Variants in PIP5K1B observed in about 807,000 individuals in gnomAD.
PIP5K1B encodes the protein phosphatidylinositol-4-phosphate 5-kinase type 1 beta.
Under a neutral mutation model 67.0 loss-of-function variants are expected in PIP5K1B, and 42 were observed. The observed-to-expected ratio is 0.63, with a 90% CI of 0.49 to 0.81. The LOEUF (loss-of-function observed/expected upper bound fraction) is 0.81, where lower values mean the gene tolerates loss of function less well. Among genes scored for constraint, PIP5K1B ranks in the 30% least tolerant of loss-of-function variants. The pLI is 0.00. For synonymous variants in PIP5K1B, 214 were observed against 231.4 expected, an observed-to-expected ratio of 0.92 and a Z score of 0.68; for missense variants, 459 against 646.3, an observed-to-expected ratio of 0.71 and a Z score of 3.14.
chr9:68,891,115 GC>G lies in PIP5K1B; in HGVS notation c.471+1983del, dbSNP rs1824758405. Among the ~76,000 whole-genome samples the G allele has an allele frequency of 2.0e-5, 3 of 152,096 alleles. No individual in the cohort carries two copies. In the South Asian group the frequency reaches 6.2e-4, roughly 32 times the overall value. The stretch of plus-strand genomic sequence containing the variant: ...AATAAAAAATTATCCAGGCATGGTG[GC>G]ACGCACCTGTGGTCCCAGCTACTTG... On this transcript the variant is annotated intron_variant, in intron 7 of 15. Transcript: ENST00000265382.
chr9:68,995,977 A>G lies in PIP5K1B; in HGVS notation c.1620+4720A>G, dbSNP rs1278291611. 2.6e-5 allele frequency among the ~76,000 whole-genome samples: 4 copies of G among 152,224 alleles called. No homozygotes were observed. The East Asian group carries it at 7.7e-4, about 29-fold the overall frequency. On this transcript the variant is annotated intron_variant, in intron 15 of 15. Coordinates refer to ENST00000265382, the MANE Select transcript of PIP5K1B (RefSeq NM_003558.4). Reference sequence around the variant, plus strand: ...AAGCTTCTCTAGTGACTTCCTGTACAGTGTTGTCACCAAACGTGGTCAGGT... The same window carrying G: ...AAGCTTCTCTAGTGACTTCCTGTACGGTGTTGTCACCAAACGTGGTCAGGT...
intron 6 of PIP5K1B, among the ~76,000 whole-genome samples, chr9:68,888,575 A>T (rs1206725255): frequency 6.6e-6 from 1 of 152,200 alleles, no homozygotes; most frequent in Non-Finnish European, 1.5e-5. Context: ...TTCTGGGAAA[A>T]TCATGAAAAG....
At chr9:69,006,157 C>T (rs1364489707) in intron 15 of PIP5K1B, among the ~76,000 whole-genome samples, 2 of 152,070 alleles carry the variant, frequency 1.3e-5, no homozygotes, top group African/African-American at 4.8e-5. Flanking sequence ...ATAGACGTGA[C>T]CCATCATACC....
chr9:68,810,951 G>A (rs190001616), intron 2 of PIP5K1B, among the ~76,000 whole-genome samples: 131 of 152,306 alleles, frequency 8.6e-4, no homozygotes, highest in Middle Eastern at 6.8e-3. Flanking sequence ...AGAGAGAGGT[G>A]TATGGTGGAA....
intron 14 of PIP5K1B, among the ~76,000 whole-genome samples, chr9:68,986,340 C>G (rs1830094556): frequency 6.6e-6 from 1 of 152,200 alleles, no homozygotes; most frequent in Admixed American, 6.5e-5. Context: ...TTCCTTATGA[C>G]TAAGGACATT....
At chr9:68,714,154 T>G (rs1827524043) in intron 1 of PIP5K1B, among the ~76,000 whole-genome samples, 1 of 152,254 alleles carries the variant, frequency 6.6e-6, no homozygotes, top group African/African-American at 2.4e-5. Flanking sequence ...AACTCTAGTT[T>G]GCATAATTGA....
chr9:68,881,411 T>C (rs370327380), intron 6 of PIP5K1B, among the ~76,000 whole-genome samples: 2 of 152,108 alleles, frequency 1.3e-5, no homozygotes, highest in African/African-American at 2.4e-5. Context: ...ACAGTGCCAA[T>C]CACAAAGTGC....
intron 2 of PIP5K1B, among the ~76,000 whole-genome samples, chr9:68,797,387 A>G (rs569234451): frequency 1.3e-4 from 20 of 152,378 alleles, no homozygotes; most frequent in Middle Eastern, 3.4e-3. Context: ...CAAAGAACAG[A>G]GTATATTCTA....
intron 2 of PIP5K1B, among the ~76,000 whole-genome samples, chr9:68,761,456 T>C (rs368683556): frequency 3.0e-4 from 45 of 152,042 alleles, no homozygotes; most frequent in African/African-American, 1.0e-3. Flanking sequence ...ATTGCTGCTG[T>C]AACAAATTTA....
chr9:68,885,891 G>A (rs767315886), intron 6 of PIP5K1B, among the ~76,000 whole-genome samples: 6 of 152,106 alleles, frequency 3.9e-5, no homozygotes, highest in Non-Finnish European at 7.4e-5. Context: ...TTTAAAAATA[G>A]AAAAATTTGG....
At chr9:68,847,413 TTGTGTGTGTGTGTG>T (rs777818994) in intron 4 of PIP5K1B, among the ~76,000 whole-genome samples, 25 of 101,614 alleles carry the variant, frequency 2.5e-4, no homozygotes, top group Admixed American at 5.9e-4. Context: ...AGCAGTGGTT[TTGTGTGTGTGTGTG>T]TGTGTGTGTG....
chr9:68,916,389 C>T (rs1234619832), intron 8 of PIP5K1B, among the ~76,000 whole-genome samples: 1 of 152,200 alleles, frequency 6.6e-6, no homozygotes, highest in Non-Finnish European at 1.5e-5. Flanking sequence ...GACTCGGACC[C>T]AGACCTTTGT....
At chr9:68,977,351 A>G (rs985752143) in intron 14 of PIP5K1B, among the ~76,000 whole-genome samples, 4 of 152,240 alleles carry the variant, frequency 2.6e-5, no homozygotes, top group Non-Finnish European at 4.4e-5. Flanking sequence ...GGGAAATCCC[A>G]TCTCTACTAA....
At chr9:68,954,729 C>G (rs1828296624) in intron 14 of PIP5K1B, among the ~76,000 whole-genome samples, 1 of 152,220 alleles carries the variant, frequency 6.6e-6, no homozygotes, top group Admixed American at 6.5e-5. Flanking sequence ...GTTGATACGA[C>G]AGCAGTGGCT....
intron 2 of PIP5K1B, among the ~76,000 whole-genome samples, chr9:68,767,885 A>G (rs1355995862): frequency 6.6e-6 from 1 of 152,198 alleles, no homozygotes; most frequent in Non-Finnish European, 1.5e-5. Flanking sequence ...GCACTAAATT[A>G]TATGCCACTA....
At chr9:68,847,416 TG>T (rs1822250918) in intron 4 of PIP5K1B, among the ~76,000 whole-genome samples, 1 of 100,332 alleles carries the variant, frequency 1.0e-5, no homozygotes, top group Non-Finnish European at 1.8e-5. Context: ...AGTGGTTTTG[TG>T]TGTGTGTGTG....
At chr9:68,731,635 A>G (rs1483053925) in intron 1 of PIP5K1B, among the ~76,000 whole-genome samples, 4 of 152,184 alleles carry the variant, frequency 2.6e-5, no homozygotes, top group Admixed American at 2.6e-4. Context: ...AGGCAAACAC[A>G]CTCAATTAGG....
chr9:68,960,851 G>T (rs12349586), intron 14 of PIP5K1B, among the ~76,000 whole-genome samples: 4,249 of 151,982 alleles, frequency 0.028, 67 homozygotes, highest in Middle Eastern at 0.041. Context: ...CGATATTTTC[G>T]ATCTCTTTTA....
At chr9:68,728,983 T>C (rs1162900221) in intron 1 of PIP5K1B, 1 of 152,222 alleles carries the variant, frequency 6.6e-6, no homozygotes, top group Non-Finnish European at 1.5e-5. Flanking sequence ...CCTTCCCTAA[T>C]GGTGATTGTG....
Sources: allele counts gnomAD v4.1 joint callset (sites outside exome capture counted in the v4.1 genomes callset), GRCh38; gene constraint gnomAD v4.1.1; transcripts MANE v1.5; gene names NCBI Gene and HGNC (gene_info 2026-07-23, HGNC 2026-07-21).